NR2C2: variants seen among roughly 807,000 people sequenced by gnomAD.
The protein encoded by NR2C2 is nuclear receptor subfamily 2 group C member 2, also known as Nuclear hormone receptor TR4.
Under a neutral mutation model 62.9 loss-of-function variants are expected in NR2C2, and 6 were observed. The observed-to-expected ratio is 0.10, with a 90% CI of 0.05 to 0.19. NR2C2 has a LOEUF of 0.19. Ranked by LOEUF, NR2C2 falls within the 10% of genes least tolerant of loss-of-function variation. NR2C2 has a pLI of 1.00. For missense variants in NR2C2, 479 were observed against 762.7 expected, an observed-to-expected ratio of 0.63 and a Z score of 4.38; for synonymous variants, 272 against 273.8, an observed-to-expected ratio of 0.99 and a Z score of 0.07.
chr3:15,013,421 T>A (rs2041411850), intron 2 of NR2C2, among the ~76,000 whole-genome samples, 168 bp from the exon 3 acceptor site: 1 of 152,250 alleles, frequency 6.6e-6, no homozygotes, highest in Admixed American at 6.5e-5. Flanking sequence ...TCTGAAAAGC[T>A]CACTATTGTG....
In NR2C2 at chr3:15,044,636, C is replaced by A. The variant is rs918042167; in HGVS notation, c.*1628C>A. 6.6e-6 allele frequency: 1 copy of A among 152,236 alleles called. No homozygotes were observed. Among genetic ancestry groups the A allele is most frequent in the Non-Finnish European group, 1.5e-5 (1 of 68,050 alleles). 9.4% of individuals were successfully genotyped at this position (152,236 alleles called of 1,614,324 possible). A position where few individuals can be genotyped will look rare whatever the true frequency, so the allele number is the denominator to read the frequency against. On this transcript the variant is annotated 3_prime_UTR_variant, in exon 14 of 14. Transcript: ENST00000425241. Reference sequence around the variant, plus strand: ...ACACCCTGTTGGGTTAAATTTGCCTCTCTTGATTTGTTAATCAGATGATAT... The same window carrying A: ...ACACCCTGTTGGGTTAAATTTGCCTATCTTGATTTGTTAATCAGATGATAT...
chr3:15,028,121 A>G (rs985729088), intron 7 of NR2C2, among the ~76,000 whole-genome samples: 1 of 152,166 alleles, frequency 6.6e-6, no homozygotes, highest in African/African-American at 2.4e-5. Flanking sequence ...TGGCCTCCCA[A>G]AGTGCTGGGA....
intron 1 of NR2C2, among the ~76,000 whole-genome samples, chr3:14,955,439 T>C (rs575241155): frequency 5.9e-5 from 9 of 152,318 alleles, no homozygotes. Flanking sequence ...GTCACTTTTT[T>C]TTTTCATTCT....
At chr3:15,014,412 C>G (rs2041445762) in intron 3 of NR2C2, among the ~76,000 whole-genome samples, 1 of 151,906 alleles carries the variant, frequency 6.6e-6, no homozygotes, top group African/African-American at 2.4e-5. Flanking sequence ...AACAGAAACT[C>G]AAGGTCAGTA....
chr3:14,955,041 G>A (rs1229444106), intron 1 of NR2C2, among the ~76,000 whole-genome samples: 1 of 152,074 alleles, frequency 6.6e-6, no homozygotes, highest in Non-Finnish European at 1.5e-5. Context: ...ATGTTGCCCA[G>A]GCTGGTCTTG....
chr3:15,015,096 T>C (rs1455364863), intron 3 of NR2C2, among the ~76,000 whole-genome samples: 1 of 152,218 alleles, frequency 6.6e-6, no homozygotes, highest in Non-Finnish European at 1.5e-5. Flanking sequence ...CCGGAGTACA[T>C]TGTGATCATC....
chr3:15,028,032 G>A (rs1020447503), intron 7 of NR2C2, among the ~76,000 whole-genome samples: 3 of 151,846 alleles, frequency 2.0e-5, no homozygotes, highest in African/African-American at 7.3e-5. Context: ...CTAATTTTTT[G>A]CATTTTTAGT....
At chr3:15,034,050 T>C (rs1049099227) in intron 10 of NR2C2, among the ~76,000 whole-genome samples, 9 of 152,178 alleles carry the variant, frequency 5.9e-5, no homozygotes, top group African/African-American at 2.2e-4. Context: ...CCTCCTGAAA[T>C]CTTGAGACAG....
At chr3:15,026,008 CTTTTCTTTTTCT>C (rs749521979) in intron 7 of NR2C2, 7 of 151,452 alleles carry the variant, frequency 4.6e-5, no homozygotes, top group African/African-American at 1.2e-4. Context: ...CTCTGGCTTT[CTTTTCTTTTTCT>C]TTTTCTTTTT....
At chr3:15,028,467 T>C in intron 7 of NR2C2, 119 bp from the exon 8 acceptor site, 3 of 854,472 alleles carry the variant, frequency 3.5e-6, no homozygotes, top group Non-Finnish European at 5.4e-6. Context: ...TGTTGCCCCT[T>C]TGTAGTCACA....
At chr3:14,975,530 A>G (rs948179255) in intron 1 of NR2C2, among the ~76,000 whole-genome samples, 4 of 152,034 alleles carry the variant, frequency 2.6e-5, no homozygotes, top group African/African-American at 9.7e-5. Context: ...ATCAGTTTTC[A>G]TATGTTGAAC....
At chr3:14,980,904 G>A (rs1289701569) in intron 1 of NR2C2, among the ~76,000 whole-genome samples, 1 of 152,166 alleles carries the variant, frequency 6.6e-6, no homozygotes, top group East Asian at 1.9e-4. Flanking sequence ...TGTGTGACAC[G>A]GTTCCCTGTA....
intron 1 of NR2C2, among the ~76,000 whole-genome samples, chr3:14,987,275 G>T (rs1332832807): frequency 6.6e-6 from 1 of 152,018 alleles, no homozygotes; most frequent in Non-Finnish European, 1.5e-5. Context: ...TAGAGATGAG[G>T]TCTCTCTGTG....
chr3:14,957,039 A>G (rs1336735830), intron 1 of NR2C2, among the ~76,000 whole-genome samples: 1 of 152,242 alleles, frequency 6.6e-6, no homozygotes, highest in Admixed American at 6.5e-5. Flanking sequence ...CCCAAGCACA[A>G]CGTATACACA....
At chr3:15,001,318 GTT>G (rs61017075) in intron 1 of NR2C2, among the ~76,000 whole-genome samples, 2,080 of 97,510 alleles carry the variant, frequency 0.021, 31 homozygotes, top group African/African-American at 0.073. Context: ...TTTGTTTTGG[GTT>G]TTTTTTTTTT....
intron 1 of NR2C2, among the ~76,000 whole-genome samples, chr3:14,990,956 G>A (rs1430898689): frequency 6.6e-6 from 1 of 152,188 alleles, no homozygotes; most frequent in Non-Finnish European, 1.5e-5. Context: ...GGCAAAAGTT[G>A]TTTGTTGTTT....
intron 1 of NR2C2, among the ~76,000 whole-genome samples, chr3:14,998,155 T>G: frequency 6.6e-6 from 1 of 152,266 alleles, no homozygotes; most frequent in South Asian, 2.1e-4. Flanking sequence ...CATGTTTTAT[T>G]TATCCATTCA....
At chr3:14,977,851 G>A (rs1440619549) in intron 1 of NR2C2, among the ~76,000 whole-genome samples, 2 of 151,536 alleles carry the variant, frequency 1.3e-5, no homozygotes, top group Non-Finnish European at 2.9e-5. Context: ...TGTAGTCCCA[G>A]CTACTCAGAA....
chr3:14,975,543 C>G (rs1424968342), intron 1 of NR2C2, among the ~76,000 whole-genome samples: 1 of 152,106 alleles, frequency 6.6e-6, no homozygotes, highest in African/African-American at 2.4e-5. Flanking sequence ...TGTTGAACCA[C>G]TCTTGCATTT....
Sources: gnomAD v4.1 joint callset for allele counts (sites outside exome capture counted in the v4.1 genomes callset) on GRCh38, gnomAD v4.1.1 for gene constraint, MANE v1.5 for transcripts, NCBI Gene and HGNC (gene_info 2026-07-23, HGNC 2026-07-21) for gene names.